RABGAP1L: variants seen among roughly 807,000 people sequenced by gnomAD.
The protein encoded by RABGAP1L is RAB GTPase activating protein 1 like.
In RABGAP1L, 63 loss-of-function variants were observed where a neutral mutation model predicts 137.7. The ratio of observed to expected loss-of-function variants is 0.46; its 90% CI spans 0.37 to 0.56. RABGAP1L has a LOEUF of 0.56. Ranked by LOEUF, RABGAP1L falls within the 20% of genes least tolerant of loss-of-function variation. The pLI, the probability that RABGAP1L is intolerant of heterozygous loss-of-function variation, is 0.00. For synonymous variants in RABGAP1L, 431 were observed against 433.7 expected (o/e 0.99, Z 0.08); for missense variants, 1,095 against 1,244.0 (o/e 0.88, Z 1.80).
At chr1:174,383,721 C>T in intron 12 of RABGAP1L, among the ~76,000 whole-genome samples, 1 of 152,124 alleles carries the variant, frequency 6.6e-6, no homozygotes, top group Non-Finnish European at 1.5e-5. Context: ...CCCGGTACCT[C>T]AGATGGAAAT....
chr1:174,298,982 G>A lies in RABGAP1L; in HGVS notation c.1324-6004G>A, dbSNP rs538558833. On this transcript the variant is annotated intron_variant, in intron 10 of 25. Transcript: ENST00000681986. Reference sequence around the variant, plus strand: ...ATGTAGGTGAAAACTTAAAAACAACGAATCAGTTTAGAATTTAATGGCAAA... The same window carrying A: ...ATGTAGGTGAAAACTTAAAAACAACAAATCAGTTTAGAATTTAATGGCAAA... Among the ~76,000 whole-genome samples the A allele has an allele frequency of 7.2e-5, 11 of 152,308 alleles. No individual in the cohort carries two copies. In the South Asian group the frequency reaches 1.9e-3, roughly 26 times the overall value.
At chr1:174,483,583 T>C (rs1411079069) in intron 13 of RABGAP1L, among the ~76,000 whole-genome samples, 1 of 152,208 alleles carries the variant, frequency 6.6e-6, no homozygotes, top group African/African-American at 2.4e-5. Flanking sequence ...ATTTTACTCC[T>C]GTAATCCCAG....
At chr1:174,807,427 A>G (rs560127812) in intron 18 of RABGAP1L, among the ~76,000 whole-genome samples, 16 of 152,352 alleles carry the variant, frequency 1.1e-4, no homozygotes, top group African/African-American at 3.8e-4. Context: ...GAACAAGAAA[A>G]CATCCAATCT....
chr1:174,937,936 C>T (rs1223439642), intron 19 of RABGAP1L, among the ~76,000 whole-genome samples: 1 of 151,140 alleles, frequency 6.6e-6, no homozygotes, highest in African/African-American at 2.4e-5. Flanking sequence ...TGGTCTCAAA[C>T]TCCTGACCTC....
chr1:174,458,692 A>T (rs1269190649), intron 13 of RABGAP1L, among the ~76,000 whole-genome samples: 1 of 152,122 alleles, frequency 6.6e-6, no homozygotes, highest in Non-Finnish European at 1.5e-5. Flanking sequence ...TATCAAACTT[A>T]GTGTCTAGTT....
chr1:174,202,654 A>T (rs1181742290), intron 1 of RABGAP1L, among the ~76,000 whole-genome samples: 1 of 152,122 alleles, frequency 6.6e-6, no homozygotes, highest in East Asian at 1.9e-4. Context: ...TCTTTAGTTT[A>T]ATTAGATCCC....
At chr1:174,237,773 A>G (rs1000077632) in intron 4 of RABGAP1L, among the ~76,000 whole-genome samples, 15 of 141,180 alleles carry the variant, frequency 1.1e-4, no homozygotes, top group African/African-American at 3.0e-4. Context: ...CTCGAGGAGT[A>G]TCTTTGTGGC....
At chr1:174,334,700 C>G (rs1681320860) in intron 11 of RABGAP1L, among the ~76,000 whole-genome samples, 1 of 152,136 alleles carries the variant, frequency 6.6e-6, no homozygotes. Flanking sequence ...TTCTTTCTCT[C>G]CCCTTTTTCC....
intron 13 of RABGAP1L, among the ~76,000 whole-genome samples, chr1:174,463,104 C>CTT: frequency 6.6e-6 from 1 of 152,042 alleles, no homozygotes; most frequent in African/African-American, 2.4e-5. Context: ...GTCAGTGTGG[C>CTT]GATTCCTCAG....
chr1:174,355,568 C>T (rs1293665447), intron 11 of RABGAP1L, among the ~76,000 whole-genome samples: 1 of 151,458 alleles, frequency 6.6e-6, no homozygotes, highest in Non-Finnish European at 1.5e-5. Flanking sequence ...ACATATGTAA[C>T]TAACCTGCAC....
chr1:174,384,178 C>G (rs1310856852), intron 12 of RABGAP1L, among the ~76,000 whole-genome samples: 3 of 152,162 alleles, frequency 2.0e-5, no homozygotes, highest in Non-Finnish European at 2.9e-5. Flanking sequence ...AGTCAAGTGA[C>G]TTAATACTAT....
intron 14 of RABGAP1L, among the ~76,000 whole-genome samples, chr1:174,647,793 C>T (rs1345470833): frequency 1.3e-5 from 2 of 152,088 alleles, no homozygotes; most frequent in Non-Finnish European, 2.9e-5. Flanking sequence ...ACTAGCTCCT[C>T]TTTGTACCTC....
At chr1:174,804,274 G>GTTTT (rs1553254972) in intron 18 of RABGAP1L, among the ~76,000 whole-genome samples, 13 of 138,198 alleles carry the variant, frequency 9.4e-5, no homozygotes, top group East Asian at 2.2e-4. Flanking sequence ...GTTTTGTTTT[G>GTTTT]TTTTTTGTTT....
intron 19 of RABGAP1L, among the ~76,000 whole-genome samples, chr1:174,943,216 C>T (rs537768434): frequency 2.4e-4 from 36 of 152,292 alleles, no homozygotes; most frequent in African/African-American, 7.9e-4. Flanking sequence ...TCACATAGGT[C>T]CTCATACTTG....
intron 7 of RABGAP1L, among the ~76,000 whole-genome samples, chr1:174,261,513 C>G (rs983303215): frequency 5.9e-5 from 9 of 152,078 alleles, no homozygotes; most frequent in Non-Finnish European, 1.2e-4. Flanking sequence ...AGTACCTTTC[C>G]TTGTGTTATT....
intron 19 of RABGAP1L, among the ~76,000 whole-genome samples, chr1:174,831,874 G>A (rs1291433310): frequency 6.7e-6 from 1 of 148,334 alleles, no homozygotes; most frequent in Non-Finnish European, 1.5e-5. Context: ...GTAGGAGAGT[G>A]GAGTTGGGGG....
intron 13 of RABGAP1L, among the ~76,000 whole-genome samples, chr1:174,494,960 G>A (rs139281331): frequency 3.9e-5 from 6 of 152,238 alleles, no homozygotes; most frequent in Non-Finnish European, 8.8e-5. Context: ...TACAGGGCAG[G>A]GAAGACACCT....
At chr1:174,849,409 A>G (rs3018410) in intron 19 of RABGAP1L, among the ~76,000 whole-genome samples, 61,769 of 152,024 alleles carry the variant, frequency 0.41, 15,458 homozygotes, top group Non-Finnish European at 0.54. Context: ...GCCTAAAATA[A>G]CACGCTCTTT....
chr1:174,310,036 TATTACTC>T (rs1678674147), intron 11 of RABGAP1L, among the ~76,000 whole-genome samples: 1 of 151,440 alleles, frequency 6.6e-6, no homozygotes, highest in Non-Finnish European at 1.5e-5. Context: ...GATCCAGTGT[TATTACTC>T]ATTATTGGTT....
Sources: gnomAD v4.1 joint callset for allele counts (sites outside exome capture counted in the v4.1 genomes callset) on GRCh38, gnomAD v4.1.1 for gene constraint, MANE v1.5 for transcripts, NCBI Gene and HGNC (gene_info 2026-07-23, HGNC 2026-07-21) for gene names.